The following ACTR3C variants were observed in gnomAD, a reference collection of about 807,000 sequenced individuals.
ACTR3C encodes the protein actin-related protein 3C.
In ACTR3C, 18 loss-of-function variants were observed where a neutral mutation model predicts 26.3. The observed-to-expected ratio is 0.68, with a 90% CI of 0.47 to 1.01. The LOEUF is 1.01. Among genes scored for constraint, ACTR3C ranks in the 50% least tolerant of loss-of-function variants. ACTR3C has a pLI of 0.00. For synonymous variants in ACTR3C, 55 were observed against 94.5 expected (o/e 0.58, Z 2.42); for missense variants, 184 against 250.7 (o/e 0.73, Z 1.80).
chr7:150,034,975 T>TG, the ACTR3C span, among the ~76,000 whole-genome samples: 2 of 100,730 alleles, frequency 2.0e-5, no homozygotes, highest in Non-Finnish European at 4.0e-5. Context: ...CCCACTCTCG[T>TG]GGGGGGTGCC....
At chr7:149,981,053 C>T in the ACTR3C span, among the ~76,000 whole-genome samples, 2 of 151,836 alleles carry the variant, frequency 1.3e-5, no homozygotes, top group African/African-American at 4.9e-5. Context: ...TGTGTATTCA[C>T]AATAACTTCT....
chr7:150,252,025 A>G (rs1832886904), intron 6 of ACTR3C, among the ~76,000 whole-genome samples: 1 of 152,204 alleles, frequency 6.6e-6, no homozygotes, highest in African/African-American at 2.4e-5. Context: ...AGCTACCATG[A>G]ATAATGAGAA....
chr7:150,275,148 T>A (rs1486430114), intron 6 of ACTR3C, among the ~76,000 whole-genome samples: 1 of 152,200 alleles, frequency 6.6e-6, no homozygotes, highest in African/African-American at 2.4e-5. Flanking sequence ...CAGAAAAGCA[T>A]ACATGTCCTG....
downstream of ACTR3C, chr7:150,247,051 C>T (rs1250313152): frequency 6.6e-6 from 1 of 152,352 alleles, no homozygotes; most frequent in Non-Finnish European, 1.5e-5. Flanking sequence ...CCGCCTCGGC[C>T]TCCCAAAGTG....
the ACTR3C span, among the ~76,000 whole-genome samples, chr7:150,155,996 T>G: frequency 6.6e-6 from 1 of 152,088 alleles, no homozygotes; most frequent in Non-Finnish European, 1.5e-5. Flanking sequence ...TTGATCAGAA[T>G]GAAATGTCAT....
chr7:149,950,604 CAG>C, the ACTR3C span, among the ~76,000 whole-genome samples: 1 of 150,146 alleles, frequency 6.7e-6, no homozygotes, highest in Admixed American at 6.6e-5. Context: ...GGCAATCCCA[CAG>C]AGACACAAAG....
intron 6 of ACTR3C, among the ~76,000 whole-genome samples, chr7:150,251,810 A>G (rs1490549399): frequency 6.6e-6 from 1 of 152,102 alleles, no homozygotes; most frequent in Admixed American, 6.5e-5. Flanking sequence ...GTTTTTGTTT[A>G]TTATCCTTTT....
intron 1 of ACTR3C, among the ~76,000 whole-genome samples, chr7:150,300,708 A>G (rs1795386460): frequency 6.6e-6 from 1 of 150,824 alleles, no homozygotes; most frequent in South Asian, 2.2e-4. Context: ...GGAGAGAGGA[A>G]GCCATCTCAA....
At chr7:150,075,821 A>G in the ACTR3C span, among the ~76,000 whole-genome samples, 1 of 152,212 alleles carries the variant, frequency 6.6e-6, no homozygotes, top group South Asian at 2.1e-4. Context: ...AGCCTGGTGC[A>G]TCTTACACAG....
At chr7:150,035,972 G>A in the ACTR3C span, among the ~76,000 whole-genome samples, 1 of 132,296 alleles carries the variant, frequency 7.6e-6, no homozygotes, top group Admixed American at 7.1e-5. Context: ...AAGAGGGACT[G>A]GCTCTCAGTC....
At chr7:150,150,808 G>A in the ACTR3C span, among the ~76,000 whole-genome samples, 2 of 135,530 alleles carry the variant, frequency 1.5e-5, 1 homozygote, top group Admixed American at 1.5e-4. Context: ...TAATCATAAG[G>A]GAAACAGTTA....
chr7:149,921,995 A>C, the ACTR3C span, among the ~76,000 whole-genome samples: 8 of 150,502 alleles, frequency 5.3e-5, no homozygotes, highest in Non-Finnish European at 1.0e-4. Flanking sequence ...GCGTAGTCCC[A>C]TGATGGGTCC....
the ACTR3C span, among the ~76,000 whole-genome samples, chr7:149,960,560 C>A: frequency 6.0e-4 from 92 of 152,080 alleles, no homozygotes; most frequent in African/African-American, 2.1e-3. Context: ...GAAGGCTGAC[C>A]CTGGAGATAC....
At chr7:150,239,167 A>T (rs1832034437), downstream of ACTR3C, among the ~76,000 whole-genome samples, 1 of 151,602 alleles carries the variant, frequency 6.6e-6, no homozygotes, top group Non-Finnish European at 1.5e-5. Flanking sequence ...TGCTTCCCAC[A>T]TTTGGAGCAA....
At chr7:150,116,461 GT>G in the ACTR3C span, among the ~76,000 whole-genome samples, 2 of 152,160 alleles carry the variant, frequency 1.3e-5, no homozygotes, top group African/African-American at 4.8e-5. Flanking sequence ...CTATGAAAAA[GT>G]TTTTCTTTAG....
chr7:150,035,062 C>T, the ACTR3C span, among the ~76,000 whole-genome samples: 8 of 137,988 alleles, frequency 5.8e-5, no homozygotes, highest in African/African-American at 1.1e-4. Context: ...CGTAAGGTAC[C>T]TGCCGTCGGA....
chr7:149,943,692 GC>G, the ACTR3C span, among the ~76,000 whole-genome samples: 1 of 151,966 alleles, frequency 6.6e-6, no homozygotes, highest in Non-Finnish European at 1.5e-5. Context: ...GCCTGGGCAA[GC>G]AAAACTCCAT....
chr7:150,137,411 G>T, the ACTR3C span, among the ~76,000 whole-genome samples: 351 of 152,316 alleles, frequency 2.3e-3, 1 homozygote, highest in Middle Eastern at 0.01. Context: ...CACGTGGCAG[G>T]TGCTCGGGAA....
the ACTR3C span, among the ~76,000 whole-genome samples, chr7:150,140,944 A>G: frequency 1.3e-5 from 2 of 152,262 alleles, no homozygotes; most frequent in African/African-American, 4.8e-5. Flanking sequence ...AGAAAGCAAA[A>G]CAGCCTTATT....
Sources: gnomAD v4.1 joint callset for allele counts (sites outside exome capture counted in the v4.1 genomes callset) on GRCh38, gnomAD v4.1.1 for gene constraint, MANE v1.5 for transcripts, NCBI Gene and HGNC (gene_info 2026-07-23, HGNC 2026-07-21) for gene names.